The following RALGAPA2 variants were observed in gnomAD, a reference collection of about 807,000 sequenced individuals.
RALGAPA2 encodes the protein ral GTPase-activating protein subunit alpha-2.
RALGAPA2 carries 139 observed loss-of-function variants against 230.4 expected under a neutral mutation model. The ratio of observed to expected loss-of-function variants is 0.60; its 90% CI spans 0.53 to 0.69. The LOEUF (loss-of-function observed/expected upper bound fraction) is 0.69, where lower values mean the gene tolerates loss of function less well. Ranked by LOEUF, RALGAPA2 falls within the 30% of genes least tolerant of loss-of-function variation. The pLI is 0.00. For synonymous variants in RALGAPA2, 847 were observed against 837.8 expected, an observed-to-expected ratio of 1.01 and a Z score of -0.19; for missense variants, 2,163 against 2,276.0, an observed-to-expected ratio of 0.95 and a Z score of 1.01.
intron 36 of RALGAPA2, among the ~76,000 whole-genome samples, chr20:20,494,462 AG>A (rs1156715397): frequency 3.3e-5 from 5 of 152,254 alleles, no homozygotes; most frequent in Admixed American, 3.3e-4. Context: ...ATACCACTAA[AG>A]GTATGACAAG....
At chr20:20,491,591 G>A (rs1219510590) in intron 36 of RALGAPA2, among the ~76,000 whole-genome samples, 1 of 152,174 alleles carries the variant, frequency 6.6e-6, no homozygotes, top group Non-Finnish European at 1.5e-5. Flanking sequence ...GAAGTTCTAT[G>A]AATCACTTTT....
rs781250615 is a variant in RALGAPA2, at chr20:20,512,803, T to G, written c.4566A>C (p.Lys1522Asn). The change falls in exon 32 of 40, where the codon AAA (lysine) becomes AAC (asparagine). Residue 1522 changes from lysine to asparagine, a missense_variant. Lys to Asn is a moderately conservative substitution (Grantham distance 94, BLOSUM62 0). Coordinates refer to ENST00000202677, the MANE Select transcript of RALGAPA2 (RefSeq NM_020343.4). The stretch of plus-strand genomic sequence containing the variant: ...TTGTATGGCCAATGTTTTCAAGTAA[T>G]TTGTCAAGAACATCATCCCCCTCCT... ...QVEEGDDVLD[K>N]LLENIGHTSP... 2.5e-6 allele frequency: 4 copies of G among 1,613,748 alleles called. No homozygotes were observed. The highest frequency in any genetic ancestry group is 1.7e-5 in the Admixed American group (1 of 60,002).
chr20:20,678,557 G>C (rs551306100), intron 2 of RALGAPA2, among the ~76,000 whole-genome samples: 1 of 151,866 alleles, frequency 6.6e-6, no homozygotes, highest in Non-Finnish European at 1.5e-5. Flanking sequence ...TCACCTGTAC[G>C]CTCCTCTCCA....
chr20:20,585,302 A>C (rs780513834), intron 18 of RALGAPA2, among the ~76,000 whole-genome samples: 1 of 152,234 alleles, frequency 6.6e-6, no homozygotes. Flanking sequence ...TCTAGGAGGC[A>C]TAAGTTATGC....
At chr20:20,595,429 A>G (rs374360865) in intron 16 of RALGAPA2, among the ~76,000 whole-genome samples, 15 of 152,160 alleles carry the variant, frequency 9.9e-5, no homozygotes, top group African/African-American at 3.4e-4. Flanking sequence ...CAAACTTCCC[A>G]AGGGTAAATC....
chr20:20,591,249 G>A lies in RALGAPA2; in HGVS notation c.2269C>T (p.Gln757Ter). The A allele has an allele frequency of 6.2e-7, 1 of 1,613,920 alleles. No homozygotes were observed. ...CTGCTCCGAAGGACCTGCTGCTGCT[G>A]TCCCACTGTGAGATGGCCAGATCCG... ...AAGSGHLTVG[Q>*]QQQVLRSSST... is the part of the protein sequence containing the mutation. Residue 757 changes from glutamine (Q) to a stop codon, truncating the protein, a stop_gained, in exon 17 of 40, where the codon CAG (glutamine) becomes TAG (stop). Transcript: ENST00000202677. LOFTEE classifies it high-confidence loss of function.
chr20:20,422,246 T>C (rs766373257), intron 37 of RALGAPA2, among the ~76,000 whole-genome samples: 1 of 152,168 alleles, frequency 6.6e-6, no homozygotes, highest in Non-Finnish European at 1.5e-5. Context: ...CAAAAAACCA[T>C]TGTATTATAC....
rs572572493 is a variant in RALGAPA2 at position 20,420,382 on chromosome 20, C to T, written c.5496-8234G>A. Among the ~76,000 whole-genome samples the T allele has an allele frequency of 6.6e-5, 10 of 152,304 alleles. No homozygotes were observed. In the East Asian group the frequency reaches 1.2e-3, roughly 18 times the overall value. On this transcript the variant is annotated intron_variant, in intron 37 of 39. Transcript: ENST00000202677. ...AGGTCAAGGCTGACTGGCATCTATA[C>T]GTTCAATCAATGGGCTTGTCCAAAT... is the stretch of plus-strand genomic sequence containing the variant.
At chr20:20,462,528 A>G (rs1228401180) in intron 37 of RALGAPA2, among the ~76,000 whole-genome samples, 3 of 152,178 alleles carry the variant, frequency 2.0e-5, no homozygotes, top group Non-Finnish European at 2.9e-5. Context: ...ACAGGGCCTC[A>G]GAAATGTATC....
chr20:20,569,639 G>T (rs1478935663), intron 23 of RALGAPA2, among the ~76,000 whole-genome samples: 1 of 152,008 alleles, frequency 6.6e-6, no homozygotes, highest in Admixed American at 6.6e-5. Flanking sequence ...TCTTGAAAAT[G>T]ATTTATAAAA....
At chr20:20,693,280 C>T (rs1372436622) in intron 1 of RALGAPA2, among the ~76,000 whole-genome samples, 1 of 152,140 alleles carries the variant, frequency 6.6e-6, no homozygotes, top group Non-Finnish European at 1.5e-5. Context: ...TTCTCAAATA[C>T]AGGATTCTAA....
chr20:20,415,945 A>C (rs768686687), intron 37 of RALGAPA2, among the ~76,000 whole-genome samples: 5 of 152,178 alleles, frequency 3.3e-5, no homozygotes, highest in Admixed American at 2.6e-4. Context: ...CAGTAGCAGC[A>C]TGACAGTCAG....
intron 37 of RALGAPA2, among the ~76,000 whole-genome samples, chr20:20,466,315 T>C (rs1038814690): frequency 6.6e-6 from 1 of 152,244 alleles, no homozygotes; most frequent in Non-Finnish European, 1.5e-5. Context: ...TTTGGTAATG[T>C]GAGGAGGACA....
chr20:20,613,074 A>G (rs2066022735), intron 13 of RALGAPA2, among the ~76,000 whole-genome samples: 1 of 152,260 alleles, frequency 6.6e-6, no homozygotes, highest in Admixed American at 6.5e-5. Context: ...TTGGAAAGGC[A>G]TGCAGAGTCT....
chr20:20,571,455 T>G lies in RALGAPA2; in HGVS notation c.3156+3A>C. The stretch of plus-strand genomic sequence containing the variant: ...CAATCACAATAAAGGAGTCGCAGAA[T>G]ACCTGATCCTCGCTGGTTAATCCCA... On this transcript the variant is annotated splice_donor_region_variant and intron_variant, in intron 23 of 39. Transcript: ENST00000202677. 6.2e-7 allele frequency: 1 copy of G among 1,609,894 alleles called. No homozygotes were observed. The highest frequency in any genetic ancestry group is 1.1e-5 in the South Asian group (1 of 90,676).
At chr20:20,430,083 C>A (rs945574531) in intron 37 of RALGAPA2, among the ~76,000 whole-genome samples, 1 of 152,242 alleles carries the variant, frequency 6.6e-6, no homozygotes, top group Non-Finnish European at 1.5e-5. Flanking sequence ...CCTGCAGAAC[C>A]TGCATCCCCT....
At chr20:20,557,092 C>T (rs1338846948) in intron 23 of RALGAPA2, among the ~76,000 whole-genome samples, 1 of 152,058 alleles carries the variant, frequency 6.6e-6, no homozygotes, top group African/African-American at 2.4e-5. Flanking sequence ...GGTGGATCAC[C>T]TGAGGTCAGG....
intron 10 of RALGAPA2, among the ~76,000 whole-genome samples, chr20:20,621,680 T>A (rs1337877506): frequency 6.6e-6 from 1 of 152,192 alleles, no homozygotes; most frequent in East Asian, 1.9e-4. Context: ...CCCTTATACA[T>A]CTCCATACAA....
intron 36 of RALGAPA2, among the ~76,000 whole-genome samples, chr20:20,485,052 TTTTTTTTTGCAA>T (rs999639395): frequency 1.2e-4 from 18 of 152,196 alleles, no homozygotes; most frequent in Admixed American, 9.2e-4. Context: ...GAGATTTTTT[TTTTTTTTTGCAA>T]TTTTTTTTAA....
Sources: gnomAD v4.1 joint callset for allele counts (sites outside exome capture counted in the v4.1 genomes callset) on GRCh38, gnomAD v4.1.1 for gene constraint, MANE v1.5 for transcripts, NCBI Gene and HGNC (gene_info 2026-07-23, HGNC 2026-07-21) for gene names.